DOCK10: variants seen among roughly 807,000 people sequenced by gnomAD.
DOCK10 encodes the protein dedicator of cytokinesis protein 10.
A neutral mutation model predicts 280.1 loss-of-function variants in DOCK10; 145 were observed. The ratio of observed to expected loss-of-function variants is 0.52; its 90% CI spans 0.45 to 0.59. The LOEUF is 0.59. Ranked by LOEUF, DOCK10 falls within the 20% of genes least tolerant of loss-of-function variation. DOCK10 has a pLI of 0.00. For synonymous variants in DOCK10, 915 were observed against 942.2 expected (o/e 0.97, Z 0.53); for missense variants, 2,368 against 2,651.7 (o/e 0.89, Z 2.35).
At chr2:224,946,592 T>G (rs946167076) in intron 1 of DOCK10, among the ~76,000 whole-genome samples, 2 of 152,210 alleles carry the variant, frequency 1.3e-5, no homozygotes, top group African/African-American at 4.8e-5. Flanking sequence ...AAATTCCAAA[T>G]ATTATAGTAA....
At chr2:224,894,534 G>A (rs10165324) in intron 4 of DOCK10, among the ~76,000 whole-genome samples, 19,126 of 152,194 alleles carry the variant, frequency 0.13, 1,596 homozygotes, top group African/African-American at 0.23. Context: ...GTTAAAAGAT[G>A]CTTTGCTTTT....
In DOCK10 at chr2:224,864,964, C is replaced by G. The variant is rs1445808368; in HGVS notation, c.1381G>C (p.Ala461Pro). The G allele has an allele frequency of 1.2e-6, 2 of 1,613,784 alleles. No individual in the cohort carries two copies. The highest frequency in any genetic ancestry group is 2.2e-5 in the East Asian group (1 of 44,898). Residue 461 changes from alanine (A) to proline (P), a missense_variant, in exon 12 of 56, where the codon GCT (alanine) becomes CCT (proline). Ala to Pro is a conservative substitution (Grantham distance 27). Around this residue, in one of 2 missense-constraint regions of DOCK10, gnomAD observed 1,209 missense variants for 1,250.9 expected, o/e 0.97. Transcript: ENST00000258390. Reference sequence around the variant, plus strand: ...GTGTCGATGTTGCCATTTTCCAAAGCCACAGAAGCCCCCAAGAGCATCTGT... The same window carrying G: ...GTGTCGATGTTGCCATTTTCCAAAGGCACAGAAGCCCCCAAGAGCATCTGT... The part of the protein sequence containing the change: ...VRQMLLGASV[A>P]LENGNIDTIT...
intron 1 of DOCK10, among the ~76,000 whole-genome samples, chr2:225,003,821 G>A (rs12475407): frequency 0.15 from 22,351 of 152,020 alleles, 2,874 homozygotes; most frequent in African/African-American, 0.34. Flanking sequence ...GCTGCTTTGG[G>A]GAAAGAGGCC....
Position 224,896,221 on chromosome 2 carries a change from C to G in DOCK10, c.416+74G>C. On this transcript the variant is annotated intron_variant, in intron 4 of 55. Coordinates refer to ENST00000258390, the MANE Select transcript of DOCK10 (RefSeq NM_014689.3). ...AGATTAATGTACGTGTATTCATGAA[C>G]AATGGCAGGACTAGAACAGAGGATG... The G allele has an allele frequency of 3.4e-6, 3 of 886,548 alleles. No individual in the cohort carries two copies. In the South Asian group the frequency reaches 5.3e-5, roughly 16 times the overall value. 54.9% of individuals were successfully genotyped at this position (886,548 alleles called of 1,614,324 possible).
chr2:225,011,137 A>G (rs982411786), intron 1 of DOCK10, among the ~76,000 whole-genome samples: 1 of 152,264 alleles, frequency 6.6e-6, no homozygotes, highest in African/African-American at 2.4e-5. Flanking sequence ...GTTCTTTCAC[A>G]GCAAGCAAGT....
Position 224,823,545 on chromosome 2 carries a change from C to T in DOCK10, c.3139G>A (p.Glu1047Lys), listed in dbSNP as rs1290439915. ...HVIWKYKDAL[E>K]ETRRANHSVA... ...CTGTGGTTTGCCCTTCTTGTTTCTT[C>T]AAGTGCATCCTTGTATTTCCAAATC... The change falls in exon 28 of 56, where the codon GAA becomes AAA. Residue 1047 changes from glutamate to lysine, a missense_variant. This residue lies in a region of DOCK10 where 1,159 missense variants were observed against 1,400.8 expected (regional missense o/e 0.83). Coordinates refer to ENST00000258390, the MANE Select transcript of DOCK10 (RefSeq NM_014689.3). 2 of 1,609,048 alleles carry T rather than the reference C, an allele frequency of 1.2e-6. No individual in the cohort carries two copies. The highest frequency in any genetic ancestry group is 1.7e-6 in the Non-Finnish European group (2 of 1,178,506).
intron 2 of DOCK10, among the ~76,000 whole-genome samples, chr2:224,923,623 A>AGAGC (rs1701891602): frequency 1.3e-5 from 2 of 152,234 alleles, no homozygotes; most frequent in African/African-American, 2.4e-5. Flanking sequence ...AATGGACTGA[A>AGAGC]GAGCGGCCCA....
chr2:224,983,661 T>A, intron 1 of DOCK10: 1 of 426,968 alleles, frequency 2.3e-6, no homozygotes, highest in Non-Finnish European at 4.9e-6. Flanking sequence ...CAAACAGGCA[T>A]TAATTGCTCA....
intron 14 of DOCK10, among the ~76,000 whole-genome samples, chr2:224,858,666 T>C (rs1334997639): frequency 6.6e-6 from 1 of 151,938 alleles, no homozygotes; most frequent in African/African-American, 2.4e-5. Context: ...AAAATGTGTA[T>C]ATATATATAT....
intron 25 of DOCK10, among the ~76,000 whole-genome samples, chr2:224,836,264 ATACTCTATAAAACTAAGC>A: frequency 6.6e-6 from 1 of 152,218 alleles, no homozygotes; most frequent in African/African-American, 2.4e-5. Context: ...AAATTCATCG[ATACTCTATAAAACTAAGC>A]TATGACCCTA....
At chr2:224,773,062 T>C in intron 53 of DOCK10, 95 bp downstream of exon 53, 5 of 1,155,992 alleles carry the variant, frequency 4.3e-6, no homozygotes, top group Non-Finnish European at 5.9e-6. Context: ...AAAGGGAAAA[T>C]GTTTCTTATA....
chr2:224,814,225 ATATT>A, intron 31 of DOCK10, 91 bp downstream of exon 31: 1 of 621,886 alleles, frequency 1.6e-6, no homozygotes, highest in African/African-American at 1.9e-5. Context: ...AAATATGTGA[ATATT>A]TATTAGCACC....
At chr2:225,018,763 A>G (rs1253464016) in intron 1 of DOCK10, among the ~76,000 whole-genome samples, 7 of 139,244 alleles carry the variant, frequency 5.0e-5, no homozygotes, top group East Asian at 2.1e-4. Context: ...ACATATGTGT[A>G]TATGTACATA....
In DOCK10 at chr2:224,798,059, A is replaced by G. The variant is rs146894205; in HGVS notation, c.4507-90T>C. On this transcript the variant is annotated intron_variant, in intron 41 of 55. Transcript: ENST00000258390. The stretch of plus-strand genomic sequence containing the variant: ...ATTTATTGTGAACCTGTCATGTGGT[A>G]AGGCACTATTTTGAGTGCTAGAAAT... The G allele has an allele frequency of 4.5e-4, 589 of 1,323,136 alleles. 4 individuals carry two copies. The African/African-American group carries it at 7.5e-3, about 17-fold the overall frequency. 82.0% of individuals were successfully genotyped at this position (1,323,136 alleles called of 1,614,324 possible). A position where few individuals can be genotyped will look rare whatever the true frequency, so the allele number is the denominator to read the frequency against.
In DOCK10 at chr2:224,883,841, T is replaced by G. The variant is rs565584735; in HGVS notation, c.747+1830A>C. Among the ~76,000 whole-genome samples, 34 of 152,324 alleles carry G rather than the reference T, an allele frequency of 2.2e-4. No homozygotes were observed. In the East Asian group the frequency reaches 4.4e-3, roughly 20 times the overall value. ...CTTTGAAGAAGAAAAATATTGCATA[T>G]TAACCTGGGTTTCTGCAAACTTAAT... On this transcript the variant is annotated intron_variant, in intron 7 of 55. Coordinates refer to ENST00000258390, the MANE Select transcript of DOCK10 (RefSeq NM_014689.3).
At chr2:224,946,044 T>C (rs879516522) in intron 1 of DOCK10, among the ~76,000 whole-genome samples, 5 of 152,170 alleles carry the variant, frequency 3.3e-5, no homozygotes, top group Non-Finnish European at 5.9e-5. Context: ...TCTTCTAAAA[T>C]AAGCTACCCA....
At chr2:225,022,972 G>C (rs1319762694) in intron 1 of DOCK10, among the ~76,000 whole-genome samples, 1 of 152,190 alleles carries the variant, frequency 6.6e-6, no homozygotes, top group East Asian at 1.9e-4. Flanking sequence ...ACATAGTTTG[G>C]AGGAGATGCT....
At chr2:225,010,921 C>A (rs1689416550) in intron 1 of DOCK10, among the ~76,000 whole-genome samples, 1 of 152,056 alleles carries the variant, frequency 6.6e-6, no homozygotes, top group African/African-American at 2.4e-5. Context: ...TAAATCAAAC[C>A]AAACGTAGGT....
chr2:224,769,252 G>C (rs1690257728), intron 55 of DOCK10, among the ~76,000 whole-genome samples: 1 of 152,180 alleles, frequency 6.6e-6, no homozygotes, highest in African/African-American at 2.4e-5. Context: ...ACAATGGAGA[G>C]TTAAAAATCA....
Sources: allele counts gnomAD v4.1 joint callset (sites outside exome capture counted in the v4.1 genomes callset), GRCh38; gene constraint gnomAD v4.1.1; regional missense constraint gnomAD v4.1.1; transcripts MANE v1.5; gene names NCBI Gene and HGNC (gene_info 2026-07-23, HGNC 2026-07-21).